ABCA5: variants seen among roughly 807,000 people sequenced by gnomAD.
ABCA5 encodes the protein cholesterol transporter ABCA5.
Under a neutral mutation model 206.0 loss-of-function variants are expected in ABCA5, and 163 were observed. The ratio of observed to expected loss-of-function variants is 0.79; its 90% CI spans 0.70 to 0.90. ABCA5 has a LOEUF of 0.90. Among genes scored for constraint, ABCA5 ranks in the 40% least tolerant of loss-of-function variants. The pLI, the probability that ABCA5 is intolerant of heterozygous loss-of-function variation, is 0.00. For missense variants in ABCA5, 1,859 were observed against 1,912.9 expected (o/e 0.97, Z 0.53); for synonymous variants, 609 against 613.8 (o/e 0.99, Z 0.11).
chr17:69,287,697 C>A lies in ABCA5; in HGVS notation c.1957G>T (p.Val653Leu), dbSNP rs754025495. 3.1e-5 allele frequency: 50 copies of A among 1,613,920 alleles called. No homozygotes were observed. The highest frequency in any genetic ancestry group is 1.7e-4 in the Admixed American group (10 of 59,996). ...TTTCTGTATTTTAAAAGATTCCATA[C>A]AATATGTCGAGAACAGGGGTCCATT... ...AGMDPCSRHI[V>L]WNLLKYRKAN... is the part of the protein sequence containing the mutation. The change falls in exon 15 of 39, where the codon GTA becomes TTA. Residue 653 changes from valine to leucine, a missense_variant. Val to Leu is a conservative substitution (Grantham distance 32). Coordinates refer to ENST00000392676, the MANE Select transcript of ABCA5 (RefSeq NM_172232.4).
rs554581117 is a variant in ABCA5 at position 69,294,676 on chromosome 17, C to T, written c.1474G>A (p.Glu492Lys). ...TTACTTCTCAAAGCCTCCACATTTTCACCCTTCTTTCTGTATGTCTTCTGA... is the reference window on the plus strand; with the variant it reads ...TTACTTCTCAAAGCCTCCACATTTTTACCCTTCTTTCTGTATGTCTTCTGA... Reference protein sequence around the residue: ...GIQKTYRKKGENVEALRNLSF... With the variant: ...GIQKTYRKKGKNVEALRNLSF... Residue 492 changes from glutamate to lysine, a missense_variant, in exon 11 of 39, where the codon GAA becomes AAA. Glu to Lys is a moderately conservative substitution (Grantham distance 56). Transcript: ENST00000392676. 28 of 1,607,260 alleles carry T rather than the reference C, an allele frequency of 1.7e-5. No homozygotes were observed. In the South Asian group the frequency reaches 3.0e-4, roughly 17 times the overall value.
chr17:69,251,674 T>C, intron 35 of ABCA5, 73 bp downstream of exon 35: 1 of 1,535,030 alleles, frequency 6.5e-7, no homozygotes, highest in South Asian at 1.3e-5. Context: ...TATTGCCATG[T>C]TTTTGAAATG....
At position 69,264,786 on chromosome 17, in the gene ABCA5, T is replaced by A; in HGVS notation, c.3264A>T (p.Leu1088Phe). 6.3e-7 allele frequency: 1 copy of A among 1,594,166 alleles called. No homozygotes were observed. The highest frequency in any genetic ancestry group is 8.5e-7 in the Non-Finnish European group (1 of 1,170,770). ...FIILILMLGSLLAFHYGLYFY... is the reference protein window; with the variant it reads ...FIILILMLGSFLAFHYGLYFY... ...AATATAATCCATAATGAAATGCCAA[T>A]AAGCTTCCTAGCATCAAAATAAGAA... The change falls in exon 24 of 39, where the codon TTA becomes TTT. Residue 1088 changes from leucine (L) to phenylalanine (F), a missense_variant. Leu to Phe is a conservative substitution (Grantham distance 22). Coordinates refer to ENST00000392676, the MANE Select transcript of ABCA5 (RefSeq NM_172232.4).
chr17:69,276,179 C>T (rs1253938739), intron 19 of ABCA5, among the ~76,000 whole-genome samples: 3 of 152,106 alleles, frequency 2.0e-5, no homozygotes, highest in Non-Finnish European at 2.9e-5. Context: ...CTCCGCTTCC[C>T]GAGTTCAGGC....
rs1188622968 is a variant in ABCA5, at chr17:69,247,451, C to A, written c.*86G>T. The stretch of plus-strand genomic sequence containing the variant: ...AAGTGCGTTCTTGGTTCTCCAGTTA[C>A]CATTCCAATAAAAAACTTTTTAAAC... On this transcript the variant is annotated 3_prime_UTR_variant, in exon 39 of 39. Transcript: ENST00000392676. The A allele has an allele frequency of 2.4e-6, 2 of 842,984 alleles. No individual in the cohort carries two copies. The highest frequency in any genetic ancestry group is 3.8e-6 in the Non-Finnish European group (2 of 528,368). 52.2% of individuals were successfully genotyped at this position (842,984 alleles called of 1,614,324 possible).
chr17:69,293,197 G>C (rs1289611133), intron 11 of ABCA5, among the ~76,000 whole-genome samples: 1 of 151,494 alleles, frequency 6.6e-6, no homozygotes, highest in Non-Finnish European at 1.5e-5. Context: ...GAGCAAGTAT[G>C]AGTGTGGGGT....
rs1598187040 is a variant in ABCA5, at chr17:69,294,856, G to A, written c.1437-143C>T. The A allele has an allele frequency of 2.1e-5, 11 of 533,728 alleles. No individual in the cohort carries two copies. The East Asian group carries it at 3.6e-4, about 17-fold the overall frequency. 33.1% of individuals were successfully genotyped at this position (533,728 alleles called of 1,614,324 possible). On this transcript the variant is annotated intron_variant, in intron 10 of 38. Coordinates refer to ENST00000392676, the MANE Select transcript of ABCA5 (RefSeq NM_172232.4). ...TAAAGTACTTTCCTACTAAAACAAT[G>A]AACCAAATAATGTTGATAATGAAAA...
intron 12 of ABCA5, 152 bp downstream of exon 12, chr17:69,291,064 C>T (rs1236252822): frequency 4.4e-6 from 2 of 451,546 alleles, no homozygotes; most frequent in Non-Finnish European, 7.7e-6. Context: ...TCATTTTTAT[C>T]TTCTACTAAA....
intron 3 of ABCA5, among the ~76,000 whole-genome samples, chr17:69,311,512 A>T (rs2075769443): frequency 6.6e-6 from 1 of 151,958 alleles, no homozygotes; most frequent in South Asian, 2.1e-4. Context: ...TTTTTGAGAT[A>T]TTGAGTGTTG....
At chr17:69,321,654 T>C (rs1190725565) in intron 1 of ABCA5, among the ~76,000 whole-genome samples, 1 of 152,180 alleles carries the variant, frequency 6.6e-6, no homozygotes, top group Non-Finnish European at 1.5e-5. Context: ...GCAGAATTTG[T>C]ATGGTTCCAA....
chr17:69,271,357 A>C (rs1473754464), intron 20 of ABCA5, 68 bp from the exon 21 acceptor site: 1 of 1,438,298 alleles, frequency 7.0e-7, no homozygotes, highest in Non-Finnish European at 9.4e-7. Flanking sequence ...CACTGGGAAG[A>C]TAATTCTATT....
At chr17:69,248,185 T>C (rs1366529973) in intron 38 of ABCA5, 77 bp downstream of exon 38, 1 of 847,230 alleles carries the variant, frequency 1.2e-6, no homozygotes, top group Non-Finnish European at 1.9e-6. Flanking sequence ...TCTCTCCCTC[T>C]CTAATATAAA....
chr17:69,294,132 A>G (rs1166986129), intron 11 of ABCA5, among the ~76,000 whole-genome samples: 1 of 152,080 alleles, frequency 6.6e-6, no homozygotes, highest in Admixed American at 6.6e-5. Context: ...ATAATTGAGT[A>G]TTTTTCATTT....
chr17:69,276,945 C>T (rs2075338930), intron 19 of ABCA5, among the ~76,000 whole-genome samples: 1 of 152,118 alleles, frequency 6.6e-6, no homozygotes, highest in Non-Finnish European at 1.5e-5. Flanking sequence ...TTAGCATATT[C>T]CAAACATATA....
chr17:69,292,129 A>G, intron 11 of ABCA5, among the ~76,000 whole-genome samples: 1 of 152,082 alleles, frequency 6.6e-6, no homozygotes, highest in Non-Finnish European at 1.5e-5. Context: ...AAACAACAAC[A>G]AAAACTAGAC....
intron 32 of ABCA5, 130 bp downstream of exon 32, chr17:69,254,185 A>T: frequency 1.3e-6 from 1 of 745,174 alleles, no homozygotes; most frequent in Non-Finnish European, 2.1e-6. Flanking sequence ...CATAAAGAAT[A>T]TATGAAAAAG....
Position 69,286,010 on chromosome 17 carries a change from T to C in ABCA5, c.2160A>G (p.Thr720=). The C allele has an allele frequency of 3.7e-6, 6 of 1,612,504 alleles. No homozygotes were observed. Among genetic ancestry groups the C allele is most frequent in the Non-Finnish European group, 5.1e-6 (6 of 1,179,398 alleles). ...LSMYIDKYCA[T]ESLSSLVKQH... is the part of the protein sequence containing the mutation. ...GTTTAACCAGTGAAGAAAGAGATTC[T>C]GTGGCACAATATTTGTCTATGTACA... Residue 720 remains threonine, a synonymous_variant, in exon 17 of 39, where the codon ACA becomes ACG. Transcript: ENST00000392676.
chr17:69,278,901 T>G (rs991118444), intron 18 of ABCA5, among the ~76,000 whole-genome samples: 1 of 151,284 alleles, frequency 6.6e-6, no homozygotes, highest in Non-Finnish European at 1.5e-5. Flanking sequence ...TAATAAGAGC[T>G]ATCTATGACA....
chr17:69,279,042 T>C (rs1422158966), intron 18 of ABCA5, among the ~76,000 whole-genome samples: 9 of 148,680 alleles, frequency 6.1e-5, no homozygotes, highest in Non-Finnish European at 9.0e-5. Context: ...CCAGGGCAAT[T>C]AGGCAGGAGA....
Sources: allele counts gnomAD v4.1 joint callset (sites outside exome capture counted in the v4.1 genomes callset), GRCh38; gene constraint gnomAD v4.1.1; transcripts MANE v1.5; gene names NCBI Gene and HGNC (gene_info 2026-07-23, HGNC 2026-07-21).